KDM2B: variants seen among roughly 807,000 people sequenced by gnomAD.
KDM2B encodes lysine-specific demethylase 2B.
In KDM2B, 26 loss-of-function variants were observed where a neutral mutation model predicts 150.0. The observed-to-expected ratio is 0.17, with a 90% CI of 0.13 to 0.24. KDM2B has a LOEUF of 0.24. KDM2B is among the 10% of genes least tolerant of loss of function. KDM2B has a pLI of 1.00. For missense variants in KDM2B, 1,265 were observed against 1,816.9 expected, an observed-to-expected ratio of 0.70 and a Z score of 5.52; for synonymous variants, 734 against 729.5, an observed-to-expected ratio of 1.01 and a Z score of -0.10.
chr12:121,531,146 C>T (rs1428292577), intron 8 of KDM2B, among the ~76,000 whole-genome samples: 1 of 152,092 alleles, frequency 6.6e-6, no homozygotes, highest in East Asian at 1.9e-4. Context: ...AGGGTGTCCC[C>T]TATAAACGCT....
At chr12:121,495,117 C>T (rs1388899682) in intron 11 of KDM2B, among the ~76,000 whole-genome samples, 2 of 151,832 alleles carry the variant, frequency 1.3e-5, no homozygotes, top group African/African-American at 4.8e-5. Flanking sequence ...ATGCCTTAGC[C>T]TCCTAAGTAG....
At chr12:121,510,159 T>C in intron 10 of KDM2B, 120 bp from the exon 11 acceptor site, 1 of 850,822 alleles carries the variant, frequency 1.2e-6, no homozygotes. Flanking sequence ...CTAACAATCC[T>C]AATGGTCAGT....
intron 6 of KDM2B, among the ~76,000 whole-genome samples, chr12:121,534,835 G>C (rs1180661278): frequency 6.6e-6 from 1 of 152,210 alleles, no homozygotes; most frequent in African/African-American, 2.4e-5. Flanking sequence ...TGATACACTT[G>C]TTTTCAGGTT....
At chr12:121,464,073 T>TA (rs1158898919) in intron 12 of KDM2B, among the ~76,000 whole-genome samples, 5 of 151,724 alleles carry the variant, frequency 3.3e-5, no homozygotes, top group South Asian at 2.1e-4. Flanking sequence ...AAATAAAAAA[T>TA]AAAAAAATTA....
intron 13 of KDM2B, among the ~76,000 whole-genome samples, chr12:121,449,155 A>G (rs1265681599): frequency 6.7e-6 from 1 of 149,238 alleles, no homozygotes; most frequent in Non-Finnish European, 1.5e-5. Flanking sequence ...AGGCGGTGCC[A>G]GAGGCAAATC....
chr12:121,544,594 A>G lies in KDM2B; in HGVS notation c.683+4283T>C, dbSNP rs1888870225. 2.6e-5 allele frequency among the ~76,000 whole-genome samples: 4 copies of G among 151,480 alleles called. No homozygotes were observed. In the South Asian group the frequency reaches 8.3e-4, roughly 31 times the overall value. On this transcript the variant is annotated intron_variant, in intron 6 of 22. Transcript: ENST00000377071. Reference sequence around the variant, plus strand: ...CACCGCACTCCAGCCTGGACAACACAGTGAGTCTCCGTCCCCCCCCAAAAA... The same window carrying G: ...CACCGCACTCCAGCCTGGACAACACGGTGAGTCTCCGTCCCCCCCCAAAAA...
intron 6 of KDM2B, 192 bp from the exon 7 acceptor site, chr12:121,534,782 A>C (rs1369868987): frequency 3.6e-6 from 2 of 559,774 alleles, no homozygotes; most frequent in Non-Finnish European, 6.4e-6. Context: ...ATCAGGTGAC[A>C]AATCTCAAGC....
upstream of KDM2B, among the ~76,000 whole-genome samples, chr12:121,581,791 A>T (rs1235790328): frequency 6.6e-5 from 10 of 152,148 alleles, no homozygotes; most frequent in Non-Finnish European, 1.3e-4. Context: ...TATCAGACAG[A>T]CCTGTGGGGA....
Position 121,444,012 on chromosome 12 carries a change from C to A in KDM2B, c.2451G>T (p.Arg817=). The part of the protein sequence containing the change: ...EKPQELSGRK[R]ASSLQTSPGS... The stretch of plus-strand genomic sequence containing the variant: ...CCTCCCAGCCCCTCCTGGTCCGTAC[C>A]CGCTTGCGTCCACTCAGCTCCTGGG... Residue 817 remains arginine, a splice_region_variant and synonymous_variant, in exon 16 of 23, where the codon CGG becomes CGT. Coordinates refer to ENST00000377071, the MANE Select transcript of KDM2B (RefSeq NM_032590.5). 1 of 1,606,516 alleles carries A rather than the reference C, an allele frequency of 6.2e-7. No individual in the cohort carries two copies. The highest frequency in any genetic ancestry group is 1.1e-5 in the South Asian group (1 of 89,894).
At chr12:121,434,548 C>T (rs994724309) in intron 22 of KDM2B, among the ~76,000 whole-genome samples, 6 of 150,184 alleles carry the variant, frequency 4.0e-5, no homozygotes, top group African/African-American at 1.5e-4. Flanking sequence ...AACAAACCCT[C>T]AAATATATGG....
chr12:121,420,617 C>CT, the KDM2B span: 1 of 1,614,174 alleles, frequency 6.2e-7, no homozygotes, highest in Non-Finnish European at 8.5e-7. Flanking sequence ...GCTTCACTGT[C>CT]TGACTTGTCA....
chr12:121,552,033 G>C (rs560149332), intron 4 of KDM2B, among the ~76,000 whole-genome samples: 2 of 152,258 alleles, frequency 1.3e-5, no homozygotes, highest in South Asian at 4.1e-4. Flanking sequence ...TTTACAAATG[G>C]GGAGACCAAG....
At chr12:121,461,511 GA>G (rs1248966138) in intron 12 of KDM2B, among the ~76,000 whole-genome samples, 1 of 152,106 alleles carries the variant, frequency 6.6e-6, no homozygotes, top group Non-Finnish European at 1.5e-5. Flanking sequence ...AAGAGGAGGG[GA>G]TGATTCAGGA....
the KDM2B span, among the ~76,000 whole-genome samples, chr12:121,422,151 C>T: frequency 7.2e-5 from 11 of 152,296 alleles, no homozygotes; most frequent in Middle Eastern, 3.4e-3. Context: ...TACTTTGCGG[C>T]GTAGGATATA....
intron 11 of KDM2B, among the ~76,000 whole-genome samples, chr12:121,508,686 C>T (rs147345701): frequency 1.2e-4 from 18 of 152,322 alleles, no homozygotes; most frequent in Admixed American, 2.6e-4. Flanking sequence ...GGGTCCTCAT[C>T]CCAGCTCCAC....
chr12:121,450,869 AAG>A (rs1877146317), intron 13 of KDM2B, among the ~76,000 whole-genome samples: 1 of 152,106 alleles, frequency 6.6e-6, no homozygotes, highest in Non-Finnish European at 1.5e-5. Flanking sequence ...AAAAAAAAAA[AAG>A]AGGAAGAAAC....
In KDM2B at chr12:121,452,415, G is replaced by A. The variant is rs1388632090; in HGVS notation, c.1959+705C>T. Among the ~76,000 whole-genome samples the A allele has an allele frequency of 6.6e-6, 1 of 152,250 alleles. No individual in the cohort carries two copies. The highest frequency in any genetic ancestry group is 1.9e-4 in the East Asian group (1 of 5,198). ...CACCCTATGCCAGGCTGGGCCTGCA[G>A]ATGAGCGCACCAGGGCCGAGGAATC... On this transcript the variant is annotated intron_variant, in intron 13 of 22. Transcript: ENST00000377071. This position sits in a 1 kb window ranked among gnomAD's most constrained non-coding sequence, Gnocchi z 4.4.
intron 11 of KDM2B, among the ~76,000 whole-genome samples, chr12:121,509,231 CTT>C (rs797036746): frequency 2.8e-5 from 4 of 144,988 alleles, no homozygotes; most frequent in Non-Finnish European, 3.1e-5. Flanking sequence ...GCTAATTTTC[CTT>C]TTTTTTTTTT....
At chr12:121,482,707 A>G (rs1882293258) in intron 12 of KDM2B, among the ~76,000 whole-genome samples, 1 of 152,212 alleles carries the variant, frequency 6.6e-6, no homozygotes, top group South Asian at 2.1e-4. Context: ...AAGCATTTGG[A>G]GTACAGGTGA....
Sources: gnomAD v4.1 joint callset for allele counts (sites outside exome capture counted in the v4.1 genomes callset) on GRCh38, gnomAD v4.1.1 for gene constraint, Gnocchi (gnomAD v3.1) non-coding constraint, MANE v1.5 for transcripts, NCBI Gene and HGNC (gene_info 2026-07-23, HGNC 2026-07-21) for gene names.